Variants in SUPT16H observed in about 807,000 individuals in gnomAD.
SUPT16H encodes SPT16 homolog, facilitates chromatin remodeling subunit, also known as FACT complex subunit SPT16.
SUPT16H carries 24 observed loss-of-function variants against 136.2 expected under a neutral mutation model. The observed-to-expected ratio is 0.18, with a 90% CI of 0.13 to 0.25. The LOEUF (loss-of-function observed/expected upper bound fraction) is 0.25. SUPT16H is among the 10% of genes least tolerant of loss of function. The pLI, the probability that SUPT16H is intolerant of heterozygous loss-of-function variation, is 1.00. For synonymous variants in SUPT16H, 415 were observed against 428.2 expected (o/e 0.97, Z 0.38); for missense variants, 623 against 1,270.2 (o/e 0.49, Z 7.74).
At chr14:21,363,360 T>C in intron 11 of SUPT16H, 32 bp from the exon 12 acceptor site, 4 of 1,597,040 alleles carry the variant, frequency 2.5e-6, no homozygotes, top group Non-Finnish European at 3.4e-6. Context: ...AAAAATGAAA[T>C]TTTAATTATT....
In SUPT16H at chr14:21,359,559, T is replaced by A. The variant is rs1377260412; in HGVS notation, c.2226A>T (p.Thr742=). ...AGTCCGTGGTTATCTCTCCCACTTC[T>A]GTGTAGAACTGCACATCCGTGTGCC... The part of the protein sequence containing the change: ...KKRHTDVQFY[T]EVGEITTDLG... Residue 742 remains threonine (T), a synonymous_variant, in exon 19 of 26, where the codon ACA becomes ACT. Coordinates refer to ENST00000216297, the MANE Select transcript of SUPT16H (RefSeq NM_007192.4). 6.2e-7 allele frequency: 1 copy of A among 1,614,234 alleles called. No individual in the cohort carries two copies. Among genetic ancestry groups the A allele is most frequent in the Admixed American group, 1.7e-5 (1 of 60,024 alleles).
chr14:21,359,748 T>C, intron 18 of SUPT16H, 139 bp from the exon 19 acceptor site: 1 of 980,080 alleles, frequency 1.0e-6, no homozygotes. Context: ...TCATAAATAA[T>C]GATGCTTGGG....
Position 21,363,132 on chromosome 14 carries a change from T to A in SUPT16H, c.1413A>T (p.Glu471Asp). ...CTTTCTGATGTGCTCTTCGCTTCTC[T>A]TCTGCAGTCATTTCATTCTGGTGAA... is the stretch of plus-strand genomic sequence containing the variant. The part of the protein sequence containing the change: ...TERTRNEMTA[E>D]EKRRAHQKEL... The change falls in exon 13 of 26, where the codon GAA (glutamate) becomes GAT (aspartate). Residue 471 changes from glutamate to aspartate, a missense_variant. Physicochemically the swap from Glu to Asp is conservative, Grantham distance 45. Around this residue, in one of 7 missense-constraint regions of SUPT16H, gnomAD observed 30 missense variants for 44.8 expected, o/e 0.67. Transcript: ENST00000216297. The A allele has an allele frequency of 6.2e-7, 1 of 1,613,800 alleles. No individual in the cohort carries two copies. Among genetic ancestry groups the A allele is most frequent in the East Asian group, 2.2e-5 (1 of 44,902 alleles).
At chr14:21,378,234 T>C (rs1241455600) in intron 1 of SUPT16H, among the ~76,000 whole-genome samples, 1 of 151,920 alleles carries the variant, frequency 6.6e-6, no homozygotes, top group Non-Finnish European at 1.5e-5. Flanking sequence ...GTGTGAGAAA[T>C]TTAGAATAAA....
At chr14:21,372,604 TGGAA>T (rs1411722795) in intron 2 of SUPT16H, 1 of 409,798 alleles carries the variant, frequency 2.4e-6, no homozygotes, top group Admixed American at 3.6e-5. Flanking sequence ...TCTTTTTGCT[TGGAA>T]TGTAGATGAA....
At position 21,352,347 on chromosome 14, in the gene SUPT16H, C is replaced by A; in HGVS notation, c.*326G>T. 3.1e-6 allele frequency: 1 copy of A among 324,448 alleles called. No homozygotes were observed. Among genetic ancestry groups the A allele is most frequent in the South Asian group, 3.6e-5 (1 of 28,166 alleles). 20.1% of individuals were successfully genotyped at this position (324,448 alleles called of 1,614,324 possible). On this transcript the variant is annotated 3_prime_UTR_variant, in exon 26 of 26. Coordinates refer to ENST00000216297, the MANE Select transcript of SUPT16H (RefSeq NM_007192.4). ...GTCTTGGAAATACAGCTTTGAGACACCAAATAAGATGTCAGAAGCCATCAA... is the reference window on the plus strand; with the variant it reads ...GTCTTGGAAATACAGCTTTGAGACAACAAATAAGATGTCAGAAGCCATCAA...
At chr14:21,382,984 T>C (rs1594314509) in intron 1 of SUPT16H, 1 of 152,226 alleles carries the variant, frequency 6.6e-6, no homozygotes, top group East Asian at 1.9e-4. Context: ...GTTTTTCAGG[T>C]TAAAAAAAAA....
At chr14:21,358,488 A>C in intron 19 of SUPT16H, 61 bp from the exon 20 acceptor site, 1 of 1,230,014 alleles carries the variant, frequency 8.1e-7, no homozygotes, top group Non-Finnish European at 1.2e-6. Flanking sequence ...CTCCCCTCAA[A>C]AAGTCTGAAG....
intron 25 of SUPT16H, among the ~76,000 whole-genome samples, chr14:21,353,054 A>G (rs76894002): frequency 0.014 from 2,087 of 152,268 alleles, 51 homozygotes; most frequent in African/African-American, 0.048. Context: ...GTTAATATTT[A>G]TTTCCTTTTA....
Position 21,353,493 on chromosome 14 carries a change from C to T in SUPT16H, c.2993G>A (p.Arg998Gln), listed in dbSNP as rs752836768. Residue 998 changes from arginine to glutamine, a missense_variant, in exon 25 of 26, where the codon CGA (arginine) becomes CAA (glutamine). Physicochemically the swap from Arg to Gln is conservative, Grantham distance 43. Coordinates refer to ENST00000216297, the MANE Select transcript of SUPT16H (RefSeq NM_007192.4). ...AACAACACATTTTTAAAAACCTTTTCGGGCTTCTTCCTCCAGTTCATCCCA... is the reference window on the plus strand; with the variant it reads ...AACAACACATTTTTAAAAACCTTTTTGGGCTTCTTCCTCCAGTTCATCCCA... ...KDWDELEEEA[R>Q]KADRESRYEE... is the part of the protein sequence containing the mutation. The T allele has an allele frequency of 3.1e-6, 5 of 1,613,502 alleles. No individual in the cohort carries two copies. The highest frequency in any genetic ancestry group is 2.2e-5 in the East Asian group (1 of 44,878).
chr14:21,377,398 G>A (rs917257624), intron 1 of SUPT16H, among the ~76,000 whole-genome samples: 2 of 152,140 alleles, frequency 1.3e-5, no homozygotes, highest in East Asian at 1.9e-4. Context: ...AGTCTTTGAC[G>A]CCAAATAATG....
rs754920050 is a variant in SUPT16H, at chr14:21,369,789, G to A, written c.591C>T (p.Phe197=). The change falls in exon 5 of 26, where the codon TTC becomes TTT. Residue 197 remains phenylalanine, a synonymous_variant. Transcript: ENST00000216297. ...CTATTTCCATGACTCTTTCCTTGAA[G>A]AATTTGTTGAAGACTTCAGAAGTGA... ...ASITSEVFNK[F]FKERVMEIVD... is the part of the protein sequence containing the mutation. 14 of 1,614,004 alleles carry A rather than the reference G, an allele frequency of 8.7e-6. No individual in the cohort carries two copies. The Admixed American group carries it at 1.3e-4, about 15-fold the overall frequency.
intron 10 of SUPT16H, among the ~76,000 whole-genome samples, chr14:21,363,771 C>T (rs113033471): frequency 9.2e-5 from 14 of 152,184 alleles, no homozygotes; most frequent in African/African-American, 3.1e-4. Context: ...CTCCGCCTCC[C>T]GGATTCAAGT....
At chr14:21,381,024 A>G (rs902964183) in intron 1 of SUPT16H, among the ~76,000 whole-genome samples, 2 of 151,954 alleles carry the variant, frequency 1.3e-5, no homozygotes, top group African/African-American at 4.8e-5. Context: ...AATACAGAGA[A>G]GGTGCTGCAA....
At chr14:21,382,253 A>C (rs940352295) in intron 1 of SUPT16H, among the ~76,000 whole-genome samples, 3 of 152,236 alleles carry the variant, frequency 2.0e-5, no homozygotes, top group African/African-American at 7.2e-5. Context: ...ATAACTTTAC[A>C]CCATCAGTGT....
Position 21,357,791 on chromosome 14 carries a change from A to G in SUPT16H, c.2490+136T>C, listed in dbSNP as rs563077947. 4.7e-4 allele frequency: 425 copies of G among 907,628 alleles called. 1 individual carries two copies. The highest frequency in any genetic ancestry group is 6.7e-4 in the Non-Finnish European group (406 of 604,860). The allele number at this position is 907,628 out of a possible 1,614,324, so 56.2% of individuals were successfully genotyped here. On this transcript the variant is annotated intron_variant, in intron 21 of 25. Transcript: ENST00000216297. Reference sequence around the variant, plus strand: ...ATGCCTGCCCTAAAGAGACTTTAAAAGTAACATTTGTTCAATGAGTTTTAA... The same window carrying G: ...ATGCCTGCCCTAAAGAGACTTTAAAGGTAACATTTGTTCAATGAGTTTTAA...
rs550302957 is a variant in SUPT16H at position 21,352,318 on chromosome 14, C to T, written c.*355G>A. 3.7e-6 allele frequency: 1 copy of T among 270,898 alleles called. No individual in the cohort carries two copies. The highest frequency in any genetic ancestry group is 2.2e-5 in the African/African-American group (1 of 46,490). 16.8% of individuals were successfully genotyped at this position (270,898 alleles called of 1,614,324 possible). A position where few individuals can be genotyped will look rare whatever the true frequency, so the allele number is the denominator to read the frequency against. On this transcript the variant is annotated 3_prime_UTR_variant, in exon 26 of 26. Coordinates refer to ENST00000216297, the MANE Select transcript of SUPT16H (RefSeq NM_007192.4). ...CGGGTAATTAAGGGTCACCTTGTAC[C>T]ACTGTCTTGGAAATACAGCTTTGAG...
intron 22 of SUPT16H, among the ~76,000 whole-genome samples, chr14:21,355,996 A>T (rs533155468): frequency 2.6e-5 from 4 of 152,344 alleles, no homozygotes; most frequent in African/African-American, 9.6e-5. Context: ...TGAAAGAAGG[A>T]AACAACAAGG....
In SUPT16H at chr14:21,383,981, C is replaced by G. The variant is rs1471760311; in HGVS notation, c.-54G>C. 5.6e-6 allele frequency: 9 copies of G among 1,604,672 alleles called. No homozygotes were observed. In the East Asian group the frequency reaches 1.8e-4, roughly 32 times the overall value. On this transcript the variant is annotated 5_prime_UTR_variant, in exon 1 of 26. Coordinates refer to ENST00000216297, the MANE Select transcript of SUPT16H (RefSeq NM_007192.4). ...CCGAGAATCACGCGAGGTCCCGGCT[C>G]AGCCACCCGCTCTCGGCCCAGGAAT...
Sources: allele counts gnomAD v4.1 joint callset (sites outside exome capture counted in the v4.1 genomes callset), GRCh38; gene constraint gnomAD v4.1.1; regional missense constraint gnomAD v4.1.1; transcripts MANE v1.5; gene names NCBI Gene and HGNC (gene_info 2026-07-23, HGNC 2026-07-21).